The following PARD3B variants were observed in gnomAD, a reference collection of about 807,000 sequenced individuals.
PARD3B encodes the protein partitioning defective 3 homolog B.
A neutral mutation model predicts 130.2 loss-of-function variants in PARD3B; 103 were observed. The ratio of observed to expected loss-of-function variants is 0.79; its 90% CI spans 0.67 to 0.93. The LOEUF (loss-of-function observed/expected upper bound fraction) is 0.93. PARD3B is among the 40% of genes least tolerant of loss of function. The pLI is 0.00. For synonymous variants in PARD3B, 583 were observed against 553.2 expected, an observed-to-expected ratio of 1.05 and a Z score of -0.76; for missense variants, 1,609 against 1,499.2, an observed-to-expected ratio of 1.07 and a Z score of -1.21.
intron 2 of PARD3B, among the ~76,000 whole-genome samples, chr2:204,941,026 C>G (rs1005222943): frequency 2.6e-5 from 4 of 152,112 alleles, no homozygotes; most frequent in Non-Finnish European, 5.9e-5. Context: ...ATGTTCTATT[C>G]AATTAACGTG....
chr2:205,497,005 C>T (rs1046290150), intron 20 of PARD3B, among the ~76,000 whole-genome samples: 2 of 151,944 alleles, frequency 1.3e-5, no homozygotes, highest in African/African-American at 4.8e-5. Flanking sequence ...ACACCATGGT[C>T]ATCTCGTATT....
chr2:204,627,405 ATATCT>A (rs1318528065), intron 1 of PARD3B, among the ~76,000 whole-genome samples: 1 of 152,196 alleles, frequency 6.6e-6, no homozygotes, highest in Non-Finnish European at 1.5e-5. Flanking sequence ...TAGAATGTAC[ATATCT>A]TATGTGTACA....
At chr2:205,609,822 C>T (rs1319812015) in intron 22 of PARD3B, among the ~76,000 whole-genome samples, 1 of 152,148 alleles carries the variant, frequency 6.6e-6, no homozygotes, top group African/African-American at 2.4e-5. Context: ...AGTTGTTTTT[C>T]CCCTCTGTGA....
chr2:205,136,189 ATGT>A (rs1373204803), intron 10 of PARD3B, among the ~76,000 whole-genome samples: 3 of 152,138 alleles, frequency 2.0e-5, no homozygotes, highest in African/African-American at 7.2e-5. Context: ...ACGGCTTGAA[ATGT>A]TGTTTCAATT....
chr2:204,625,230 G>A (rs145041293), intron 1 of PARD3B, among the ~76,000 whole-genome samples: 1 of 152,118 alleles, frequency 6.6e-6, no homozygotes, highest in African/African-American at 2.4e-5. Context: ...AATTGTTGTG[G>A]ATTCAAAAAT....
At chr2:205,477,379 G>A (rs551556377) in intron 20 of PARD3B, among the ~76,000 whole-genome samples, 1 of 152,250 alleles carries the variant, frequency 6.6e-6, no homozygotes, top group East Asian at 1.9e-4. Flanking sequence ...TGCCACTCTA[G>A]TTGCTGTCTC....
At chr2:204,668,358 A>G (rs1260172104) in intron 1 of PARD3B, among the ~76,000 whole-genome samples, 1 of 152,130 alleles carries the variant, frequency 6.6e-6, no homozygotes, top group Admixed American at 6.6e-5. Flanking sequence ...CAGTTAGTTT[A>G]CGTTTCATTT....
intron 5 of PARD3B, among the ~76,000 whole-genome samples, chr2:205,112,791 G>T (rs1259967287): frequency 6.6e-6 from 1 of 151,932 alleles, no homozygotes; most frequent in Non-Finnish European, 1.5e-5. Flanking sequence ...CTTAATCAGG[G>T]GTAGGTTAGG....
rs2048421640 is a variant in PARD3B at position 205,460,726 on chromosome 2, C to T, written c.3044+20054C>T. 6.6e-6 allele frequency among the ~76,000 whole-genome samples: 1 copy of T among 152,246 alleles called. No homozygotes were observed. Among genetic ancestry groups the T allele is most frequent in the South Asian group, 2.1e-4 (1 of 4,820 alleles). On this transcript the variant is annotated intron_variant, in intron 20 of 22. Coordinates refer to ENST00000406610, the MANE Select transcript of PARD3B (RefSeq NM_001302769.2). The surrounding 1 kb of genome is among the most constrained non-coding windows in gnomAD (Gnocchi z 4.9). ...CCGTATCTCATAAAATTCACAGAGG[C>T]CTGAATGAGTTAATGCATGGCAAAC...
intron 2 of PARD3B, among the ~76,000 whole-genome samples, chr2:204,704,302 T>C (rs1188544192): frequency 6.6e-6 from 1 of 152,198 alleles, no homozygotes; most frequent in Non-Finnish European, 1.5e-5. Context: ...TTTTAATGTA[T>C]CAGTATATGT....
intron 4 of PARD3B, among the ~76,000 whole-genome samples, chr2:205,054,425 TA>T (rs1390673875): frequency 1.5e-3 from 33 of 22,330 alleles, no homozygotes; most frequent in South Asian, 6.0e-3. Flanking sequence ...TATATATATA[TA>T]TATATATATA....
intron 1 of PARD3B, among the ~76,000 whole-genome samples, chr2:204,592,567 T>C (rs564481770): frequency 1.1e-4 from 16 of 152,352 alleles, no homozygotes; most frequent in African/African-American, 3.1e-4. Flanking sequence ...TTTTGTATTA[T>C]ACTTTTTAAA....
intron 1 of PARD3B, among the ~76,000 whole-genome samples, chr2:204,679,600 T>C (rs916148491): frequency 6.6e-6 from 1 of 152,140 alleles, no homozygotes; most frequent in Admixed American, 6.5e-5. Flanking sequence ...ATCATAAATG[T>C]TTTGCATATT....
At chr2:205,310,132 T>G (rs1360327811) in intron 18 of PARD3B, among the ~76,000 whole-genome samples, 1 of 148,268 alleles carries the variant, frequency 6.7e-6, no homozygotes, top group Non-Finnish European at 1.5e-5. Flanking sequence ...TCACTCAGGC[T>G]GGAGTGCAGT....
intron 3 of PARD3B, among the ~76,000 whole-genome samples, chr2:204,974,902 T>C (rs1190383913): frequency 2.0e-5 from 3 of 152,248 alleles, no homozygotes; most frequent in Admixed American, 2.0e-4. Flanking sequence ...AGCATTGTGC[T>C]AGGCTACCAA....
At chr2:204,977,709 G>T (rs921371062) in intron 3 of PARD3B, among the ~76,000 whole-genome samples, 1 of 151,830 alleles carries the variant, frequency 6.6e-6, no homozygotes, top group Non-Finnish European at 1.5e-5. Flanking sequence ...CTACTCGGGA[G>T]GCTGAGGCAG....
intron 2 of PARD3B, among the ~76,000 whole-genome samples, chr2:204,893,716 G>A (rs1008394501): frequency 1.3e-5 from 2 of 152,110 alleles, no homozygotes; most frequent in Non-Finnish European, 2.9e-5. Flanking sequence ...AAACCCATGT[G>A]TATTTTATGT....
intron 2 of PARD3B, among the ~76,000 whole-genome samples, chr2:204,801,272 G>A (rs1194633367): frequency 1.3e-5 from 2 of 152,116 alleles, no homozygotes; most frequent in African/African-American, 2.4e-5. Context: ...TAGCTTGATG[G>A]GGACAGCATT....
intron 20 of PARD3B, among the ~76,000 whole-genome samples, chr2:205,485,168 A>ATTTGT (rs995968348): frequency 1.1e-4 from 17 of 152,160 alleles, no homozygotes; most frequent in African/African-American, 2.4e-4. Flanking sequence ...GTCTAGTTTC[A>ATTTGT]TTTGTTTTGT....
Sources: gnomAD v4.1 joint callset for allele counts (sites outside exome capture counted in the v4.1 genomes callset) on GRCh38, gnomAD v4.1.1 for gene constraint, Gnocchi (gnomAD v3.1) non-coding constraint, MANE v1.5 for transcripts, NCBI Gene and HGNC (gene_info 2026-07-23, HGNC 2026-07-21) for gene names.